The following TJP1 variants were observed in gnomAD, a reference collection of about 807,000 sequenced individuals.
TJP1 encodes the protein tight junction protein ZO-1.
Under a neutral mutation model 194.2 loss-of-function variants are expected in TJP1, and 43 were observed. That is an observed-to-expected ratio of 0.22 (90% CI 0.17 to 0.29). The LOEUF is 0.29. Ranked by LOEUF, TJP1 falls within the 10% of genes least tolerant of loss-of-function variation. The pLI is 1.00. For synonymous variants in TJP1, 801 were observed against 779.0 expected, an observed-to-expected ratio of 1.03 and a Z score of -0.47; for missense variants, 1,971 against 2,185.7, an observed-to-expected ratio of 0.90 and a Z score of 1.96.
rs74547220 is a variant in TJP1, at chr15:29,950,948, G to A, written c.306+5284C>T. 3.7e-3 allele frequency among the ~76,000 whole-genome samples: 566 copies of A among 152,234 alleles called. 1 individual carries two copies. Among genetic ancestry groups the A allele is most frequent in the African/African-American group, 0.013 (534 of 41,534 alleles). ...TGTATCTATTTGACAAAGTTGTTATGAGGAGGAAATAGCTAATGTAATTAA... is the reference window on the plus strand; with the variant it reads ...TGTATCTATTTGACAAAGTTGTTATAAGGAGGAAATAGCTAATGTAATTAA... On this transcript the variant is annotated intron_variant, in intron 2 of 28. Coordinates refer to the TJP1 transcript ENST00000356107.
intron 2 of TJP1, among the ~76,000 whole-genome samples, chr15:29,881,480 A>C (rs1368730167): frequency 6.6e-6 from 1 of 152,170 alleles, no homozygotes; most frequent in Non-Finnish European, 1.5e-5. Context: ...AAGGAGGTGA[A>C]GTTTAGAGCC....
At chr15:29,856,797 C>T (rs2051871137) in intron 2 of TJP1, among the ~76,000 whole-genome samples, 1 of 151,758 alleles carries the variant, frequency 6.6e-6, no homozygotes, top group Admixed American at 6.6e-5. Context: ...CACGGTGAAA[C>T]CCCGTCTCTA....
intron 11 of TJP1, among the ~76,000 whole-genome samples, chr15:29,734,778 AC>A (rs1312254089): frequency 6.6e-6 from 1 of 151,998 alleles, no homozygotes; most frequent in African/African-American, 2.4e-5. Context: ...GAGTCACCAC[AC>A]CCGGCCGAAA....
In TJP1 at chr15:29,787,805, T is replaced by C. The variant is rs117613602; in HGVS notation, c.84+12841A>G. On this transcript the variant is annotated intron_variant, in intron 2 of 27. Coordinates refer to ENST00000614355, the MANE Select transcript of TJP1 (RefSeq NM_001330239.4). Reference sequence around the variant, plus strand: ...GCCATTAACACTCATGTGTAACTTATTATGTAGACATTTGCTTTCATTTCT... The same window carrying C: ...GCCATTAACACTCATGTGTAACTTACTATGTAGACATTTGCTTTCATTTCT... Among the ~76,000 whole-genome samples the C allele has an allele frequency of 4.1e-3, 618 of 152,356 alleles. 1 individual carries two copies. Among genetic ancestry groups the C allele is most frequent in the Non-Finnish European group, 6.1e-3 (413 of 68,034 alleles).
intron 2 of TJP1, among the ~76,000 whole-genome samples, chr15:29,847,901 CAT>C (rs1323483541): frequency 2.0e-5 from 3 of 152,140 alleles, no homozygotes; most frequent in Admixed American, 6.5e-5. Flanking sequence ...ATGTTTTCAA[CAT>C]ATGTTTTTAT....
intron 2 of TJP1, among the ~76,000 whole-genome samples, chr15:29,848,135 A>G (rs1425612016): frequency 3.9e-5 from 6 of 151,908 alleles, no homozygotes; most frequent in African/African-American, 1.5e-4. Context: ...ATGATCAAAT[A>G]TGGTCTTTCT....
intron 18 of TJP1, among the ~76,000 whole-genome samples, chr15:29,721,841 T>G (rs2042946786): frequency 6.6e-6 from 1 of 152,224 alleles, no homozygotes; most frequent in African/African-American, 2.4e-5. Context: ...GGTCATTCAT[T>G]CTTGCTATGC....
At chr15:29,736,675 C>T (rs2044055032) in intron 11 of TJP1, among the ~76,000 whole-genome samples, 1 of 152,238 alleles carries the variant, frequency 6.6e-6, no homozygotes, top group African/African-American at 2.4e-5. Flanking sequence ...TCTACTGATA[C>T]TCTGCATCTA....
At chr15:29,897,923 G>T (rs1011359163) in intron 2 of TJP1, among the ~76,000 whole-genome samples, 1 of 152,194 alleles carries the variant, frequency 6.6e-6, no homozygotes, top group African/African-American at 2.4e-5. Flanking sequence ...AGGCTGATAG[G>T]CAGAAGAGTC....
chr15:29,826,454 G>C (rs2050679167), upstream of TJP1, among the ~76,000 whole-genome samples: 1 of 152,100 alleles, frequency 6.6e-6, no homozygotes, highest in Admixed American at 6.6e-5. Context: ...ATTCCTTTAA[G>C]ACTCCCTCCC....
chr15:29,758,588 C>T (rs532225226), intron 8 of TJP1, among the ~76,000 whole-genome samples: 62 of 152,154 alleles, frequency 4.1e-4, no homozygotes, highest in African/African-American at 1.2e-3. Flanking sequence ...ATTCAGATTG[C>T]GTTATTTAAA....
At chr15:29,862,671 A>G (rs1189856577) in intron 2 of TJP1, among the ~76,000 whole-genome samples, 2 of 136,296 alleles carry the variant, frequency 1.5e-5, no homozygotes, top group Non-Finnish European at 3.1e-5. Flanking sequence ...TTTTTGAGAC[A>G]GAGTCTCGCT....
At chr15:29,947,929 C>G (rs888780610) in intron 2 of TJP1, among the ~76,000 whole-genome samples, 1 of 152,212 alleles carries the variant, frequency 6.6e-6, no homozygotes, top group Non-Finnish European at 1.5e-5. Context: ...TTCCCCCACA[C>G]TCCTTGCTAC....
intron 2 of TJP1, among the ~76,000 whole-genome samples, chr15:29,854,627 C>A (rs959770241): frequency 7.9e-5 from 12 of 152,106 alleles, no homozygotes; most frequent in African/African-American, 2.9e-4. Context: ...TTCCAGCCTT[C>A]AAAACTGTGA....
intron 2 of TJP1, among the ~76,000 whole-genome samples, chr15:29,922,146 C>A (rs2054386362): frequency 6.6e-6 from 1 of 152,092 alleles, no homozygotes; most frequent in African/African-American, 2.4e-5. Flanking sequence ...CGCACCCGGA[C>A]TTTTTCTTTT....
intron 2 of TJP1, among the ~76,000 whole-genome samples, chr15:29,908,175 A>G (rs571081830): frequency 6.6e-6 from 1 of 151,058 alleles, no homozygotes; most frequent in South Asian, 2.1e-4. Flanking sequence ...ATTTCGAAGG[A>G]CATTTTCTAT....
exon 1 of TJP1, chr15:29,968,850 T>C (rs1283213822): frequency 1.0e-5 from 7 of 689,188 alleles, no homozygotes; most frequent in East Asian, 1.3e-4. Flanking sequence ...AGATCAGCTC[T>C]GGGCCATCCG....
intron 2 of TJP1, among the ~76,000 whole-genome samples, chr15:29,864,152 G>C (rs914805483): frequency 6.6e-6 from 1 of 151,022 alleles, no homozygotes; most frequent in Non-Finnish European, 1.5e-5. Context: ...TCAGCACTTC[G>C]GGAGGCCGAG....
intron 1 of TJP1, among the ~76,000 whole-genome samples, chr15:29,958,984 A>C (rs960726379): frequency 6.8e-6 from 1 of 147,946 alleles, no homozygotes; most frequent in African/African-American, 2.6e-5. Context: ...TAAAGTAGCT[A>C]GTTTTTTTTT....
Sources: gnomAD v4.1 joint callset for allele counts (sites outside exome capture counted in the v4.1 genomes callset) on GRCh38, gnomAD v4.1.1 for gene constraint, MANE v1.5 for transcripts, NCBI Gene and HGNC (gene_info 2026-07-23, HGNC 2026-07-21) for gene names.